Variants in GC observed in about 807,000 individuals in gnomAD.
The protein encoded by GC is GC vitamin D binding protein.
In GC, 43 loss-of-function variants were observed where a neutral mutation model predicts 56.7. The observed-to-expected ratio is 0.76, with a 90% CI of 0.59 to 0.98. The LOEUF (loss-of-function observed/expected upper bound fraction) is 0.98, where lower values mean the gene tolerates loss of function less well. Among genes scored for constraint, GC ranks in the 50% least tolerant of loss-of-function variants. The probability of loss-of-function intolerance (pLI) is 0.00; values close to 1 mark genes in which losing one functional copy is unlikely to be tolerated. For missense variants in GC, 529 were observed against 545.9 expected, an observed-to-expected ratio of 0.97 and a Z score of 0.31; for synonymous variants, 216 against 202.7, an observed-to-expected ratio of 1.07 and a Z score of -0.56.
chr4:71,759,609 C>T (rs189861558), intron 6 of GC: 3 of 152,272 alleles, frequency 2.0e-5, no homozygotes, highest in South Asian at 2.1e-4. Context: ...AGTGGTATGG[C>T]GGTAGACTTG....
chr4:71,775,649 C>CA (rs1742485944), intron 1 of GC, among the ~76,000 whole-genome samples: 1 of 151,762 alleles, frequency 6.6e-6, no homozygotes, highest in Admixed American at 6.6e-5. Context: ...AAAAAATAGA[C>CA]AAATGGGATT....
At chr4:71,784,301 A>C (rs1742778097), upstream of GC, 8 of 1,124,614 alleles carry the variant, frequency 7.1e-6, no homozygotes, top group Non-Finnish European at 8.7e-6. Context: ...GTCAAACTGC[A>C]AAAGAGCCAA....
chr4:71,778,025 A>G (rs1742563962), intron 1 of GC, among the ~76,000 whole-genome samples: 1 of 150,530 alleles, frequency 6.6e-6, no homozygotes. Flanking sequence ...TCCAGAACTT[A>G]AAGTTTATAT....
chr4:71,788,144 T>C (rs1171892266), upstream of GC, among the ~76,000 whole-genome samples: 1 of 151,832 alleles, frequency 6.6e-6, no homozygotes, highest in Non-Finnish European at 1.5e-5. Flanking sequence ...CCTAGAGAAA[T>C]TTATCAACCC....
chr4:71,764,678 T>C (rs891368340), intron 4 of GC, among the ~76,000 whole-genome samples: 2 of 152,222 alleles, frequency 1.3e-5, no homozygotes, highest in Non-Finnish European at 2.9e-5. Flanking sequence ...TGGGAATAGA[T>C]GTCCTTATGG....
At chr4:71,797,298 C>T (rs999701749) in intron 1 of GC, among the ~76,000 whole-genome samples, 4 of 152,232 alleles carry the variant, frequency 2.6e-5, no homozygotes, top group African/African-American at 9.6e-5. Flanking sequence ...ACTGAGGTGA[C>T]ATCTGTAGAG....
chr4:71,748,955 CA>C (rs1741462954), intron 11 of GC, among the ~76,000 whole-genome samples: 1 of 152,008 alleles, frequency 6.6e-6, no homozygotes, highest in Non-Finnish European at 1.5e-5. Context: ...GGAGATCTCA[CA>C]AATTAGGATC....
At chr4:71,743,029 A>C (rs1741239362) in intron 12 of GC, among the ~76,000 whole-genome samples, 1 of 152,186 alleles carries the variant, frequency 6.6e-6, no homozygotes, top group African/African-American at 2.4e-5. Context: ...AAGTGCATGC[A>C]AGTGTGGCCA....
At chr4:71,748,179 C>T (rs1396396700) in intron 11 of GC, among the ~76,000 whole-genome samples, 2 of 152,114 alleles carry the variant, frequency 1.3e-5, no homozygotes, top group Non-Finnish European at 2.9e-5. Flanking sequence ...TCTATAAATA[C>T]ATACATGCCA....
chr4:71,796,262 A>G (rs1383128492), intron 1 of GC, among the ~76,000 whole-genome samples: 1 of 152,296 alleles, frequency 6.6e-6, no homozygotes, highest in South Asian at 2.1e-4. Flanking sequence ...AGTGTTTTCT[A>G]ACTTGGTTCC....
intron 11 of GC, 82 bp from the exon 12 acceptor site, chr4:71,746,287 T>G (rs1741360974): frequency 7.7e-6 from 5 of 649,998 alleles, no homozygotes; most frequent in Non-Finnish European, 1.4e-5. Flanking sequence ...GTATACAAAA[T>G]CTTGAAACCT....
chr4:71,789,482 A>G (rs1204301231), intron 1 of GC, among the ~76,000 whole-genome samples: 1 of 151,978 alleles, frequency 6.6e-6, no homozygotes, highest in Non-Finnish European at 1.5e-5. Context: ...TATATGAGTG[A>G]GTTTTAAAAA....
intron 1 of GC, among the ~76,000 whole-genome samples, chr4:71,798,961 G>A (rs1405094676): frequency 6.6e-6 from 1 of 152,164 alleles, no homozygotes; most frequent in Admixed American, 6.5e-5. Context: ...CTCTTTTAAA[G>A]TATGAAATTC....
chr4:71,799,166 C>G (rs2149310953), intron 1 of GC, among the ~76,000 whole-genome samples: 1 of 152,226 alleles, frequency 6.6e-6, no homozygotes, highest in East Asian at 1.9e-4. Flanking sequence ...GGAAGTGGTT[C>G]TAGGGGCATA....
At chr4:71,797,380 T>A (rs1743131373) in intron 1 of GC, among the ~76,000 whole-genome samples, 1 of 152,226 alleles carries the variant, frequency 6.6e-6, no homozygotes, top group Non-Finnish European at 1.5e-5. Context: ...GTTTACCTAC[T>A]CAAGCCTCAG....
chr4:71,760,110 C>A (rs949025665), intron 6 of GC, among the ~76,000 whole-genome samples: 26 of 145,092 alleles, frequency 1.8e-4, no homozygotes, highest in Non-Finnish European at 3.4e-4. Flanking sequence ...GTGGTGCAAT[C>A]TTGGCTTACT....
chr4:71,790,102 T>A (rs1458698533), intron 1 of GC, among the ~76,000 whole-genome samples: 4 of 152,038 alleles, frequency 2.6e-5, no homozygotes, highest in African/African-American at 9.7e-5. Context: ...GATAAGTTAT[T>A]CCTTTGGTCA....
intron 11 of GC, among the ~76,000 whole-genome samples, chr4:71,748,924 T>G (rs938281960): frequency 6.6e-6 from 1 of 152,188 alleles, no homozygotes; most frequent in Non-Finnish European, 1.5e-5. Context: ...GGAAAAGTTT[T>G]TTCAAGCAAA....
chr4:71,779,050 T>C (rs1742595294), intron 1 of GC, among the ~76,000 whole-genome samples: 1 of 151,486 alleles, frequency 6.6e-6, no homozygotes, highest in Admixed American at 6.6e-5. Context: ...TGGCATCATA[T>C]GAAAGAAAAC....
Sources: allele counts gnomAD v4.1 joint callset (sites outside exome capture counted in the v4.1 genomes callset), GRCh38; gene constraint gnomAD v4.1.1; transcripts MANE v1.5; gene names NCBI Gene and HGNC (gene_info 2026-07-23, HGNC 2026-07-21).